The following SH3RF1 variants were observed in gnomAD, a reference collection of about 807,000 sequenced individuals.
SH3RF1 encodes the protein E3 ubiquitin-protein ligase SH3RF1.
A neutral mutation model predicts 74.0 loss-of-function variants in SH3RF1; 32 were observed. That is an observed-to-expected ratio of 0.43 (90% CI 0.33 to 0.58). The LOEUF (loss-of-function observed/expected upper bound fraction) is 0.58. Ranked by LOEUF, SH3RF1 falls within the 20% of genes least tolerant of loss-of-function variation. SH3RF1 has a pLI of 0.05. For synonymous variants in SH3RF1, 396 were observed against 439.6 expected (o/e 0.90, Z 1.24); for missense variants, 954 against 1,130.9 (o/e 0.84, Z 2.24).
At chr4:169,118,157 T>C (rs1452131011) in intron 8 of SH3RF1, among the ~76,000 whole-genome samples, 1 of 152,188 alleles carries the variant, frequency 6.6e-6, no homozygotes, top group Non-Finnish European at 1.5e-5. Flanking sequence ...ATATCTTTGC[T>C]CCTGTTTCCT....
At chr4:169,245,666 CAA>C (rs1579160356) in intron 2 of SH3RF1, among the ~76,000 whole-genome samples, 2 of 152,118 alleles carry the variant, frequency 1.3e-5, no homozygotes, top group East Asian at 3.8e-4. Context: ...GTTTCTGCTA[CAA>C]ATAATATGGC....
chr4:169,260,170 A>T (rs891648846), intron 2 of SH3RF1, among the ~76,000 whole-genome samples: 2 of 152,228 alleles, frequency 1.3e-5, no homozygotes, highest in African/African-American at 4.8e-5. Context: ...ACAGCAAAAT[A>T]GTCAGGGGCT....
chr4:169,130,901 C>T (rs976770904), intron 5 of SH3RF1, among the ~76,000 whole-genome samples: 2 of 152,220 alleles, frequency 1.3e-5, no homozygotes, highest in Admixed American at 1.3e-4. Context: ...TTACTAGAAG[C>T]TACAGAAGTA....
chr4:169,141,111 C>T (rs1460502291), intron 4 of SH3RF1, among the ~76,000 whole-genome samples: 2 of 151,542 alleles, frequency 1.3e-5, no homozygotes, highest in Non-Finnish European at 2.9e-5. Context: ...TGGTATAGAA[C>T]ATTATGAAGT....
chr4:169,157,730 G>A (rs1308997816), intron 2 of SH3RF1, among the ~76,000 whole-genome samples: 2 of 150,304 alleles, frequency 1.3e-5, no homozygotes, highest in African/African-American at 4.9e-5. Context: ...CATTTATCAA[G>A]CTTTTACTTT....
At chr4:169,185,048 C>T (rs1162871173) in intron 2 of SH3RF1, among the ~76,000 whole-genome samples, 1 of 152,172 alleles carries the variant, frequency 6.6e-6, no homozygotes. Flanking sequence ...AATGGAGTTT[C>T]CAGTGGAAAA....
chr4:169,145,066 G>A (rs1009367930), intron 4 of SH3RF1, among the ~76,000 whole-genome samples: 2 of 152,186 alleles, frequency 1.3e-5, no homozygotes, highest in South Asian at 2.1e-4. Flanking sequence ...ACTTAACCCA[G>A]CAATTCCACT....
At chr4:169,150,797 G>A (rs1579108228) in intron 4 of SH3RF1, among the ~76,000 whole-genome samples, 1 of 152,238 alleles carries the variant, frequency 6.6e-6, no homozygotes, top group African/African-American at 2.4e-5. Flanking sequence ...GATACTGAGG[G>A]ACAACTGTAT....
intron 2 of SH3RF1, among the ~76,000 whole-genome samples, chr4:169,250,407 C>T (rs967149774): frequency 2.0e-5 from 3 of 151,916 alleles, no homozygotes; most frequent in Non-Finnish European, 4.4e-5. Flanking sequence ...GCCAAATAAG[C>T]ATATATGACA....
At chr4:169,172,540 T>C (rs1224320112) in intron 2 of SH3RF1, among the ~76,000 whole-genome samples, 1 of 152,212 alleles carries the variant, frequency 6.6e-6, no homozygotes, top group African/African-American at 2.4e-5. Flanking sequence ...TTATGTTAGG[T>C]GTAATTATGA....
At chr4:169,217,428 G>A (rs1730485822) in intron 2 of SH3RF1, 2 of 152,234 alleles carry the variant, frequency 1.3e-5, no homozygotes, top group African/African-American at 2.4e-5. Flanking sequence ...TGTGTCACCA[G>A]GTCAGAGAAA....
At chr4:169,125,836 A>T (rs1230150090) in intron 6 of SH3RF1, among the ~76,000 whole-genome samples, 1 of 152,230 alleles carries the variant, frequency 6.6e-6, no homozygotes. Context: ...TGATGAGGGA[A>T]TGGTTCAAGC....
intron 10 of SH3RF1, among the ~76,000 whole-genome samples, chr4:169,112,041 C>T (rs1733253728): frequency 6.6e-6 from 1 of 152,216 alleles, no homozygotes; most frequent in Non-Finnish European, 1.5e-5. Context: ...TGTGGAACAG[C>T]AGCAGTAACC....
chr4:169,105,556 C>T (rs996618655), intron 11 of SH3RF1, among the ~76,000 whole-genome samples: 1 of 152,202 alleles, frequency 6.6e-6, no homozygotes, highest in African/African-American at 2.4e-5. Context: ...AGAGTCAGAA[C>T]TGAGACTGAG....
chr4:169,218,427 T>C (rs1712275825), intron 2 of SH3RF1, among the ~76,000 whole-genome samples: 1 of 143,386 alleles, frequency 7.0e-6, no homozygotes, highest in Non-Finnish European at 1.5e-5. Context: ...ATATATATTA[T>C]AGAATATAGA....
At chr4:169,131,582 C>T (rs1290709708) in intron 5 of SH3RF1, among the ~76,000 whole-genome samples, 1 of 152,222 alleles carries the variant, frequency 6.6e-6, no homozygotes, top group African/African-American at 2.4e-5. Flanking sequence ...GGTCTGAAGG[C>T]AGGGAACCTA....
intron 2 of SH3RF1, among the ~76,000 whole-genome samples, chr4:169,231,825 C>A (rs1043628050): frequency 6.6e-6 from 1 of 152,198 alleles, no homozygotes; most frequent in Non-Finnish European, 1.5e-5. Context: ...ATACCTACTA[C>A]ATGTCAGGTA....
chr4:169,241,354 T>C (rs1192106426), intron 2 of SH3RF1, among the ~76,000 whole-genome samples: 1 of 152,222 alleles, frequency 6.6e-6, no homozygotes, highest in Non-Finnish European at 1.5e-5. Context: ...AGAAGCGACT[T>C]GAATAGATTT....
At chr4:169,167,065 A>G in intron 2 of SH3RF1, 1 of 201,590 alleles carries the variant, frequency 5.0e-6, no homozygotes, top group South Asian at 9.8e-5. Context: ...GGCTACCTAT[A>G]ATCTGTGTTT....
Sources: gnomAD v4.1 joint callset for allele counts (sites outside exome capture counted in the v4.1 genomes callset) on GRCh38, gnomAD v4.1.1 for gene constraint, MANE v1.5 for transcripts, NCBI Gene and HGNC (gene_info 2026-07-23, HGNC 2026-07-21) for gene names.